SEC63: variants seen among roughly 807,000 people sequenced by gnomAD.
SEC63 encodes the protein translocation protein SEC63 homolog.
Under a neutral mutation model 116.2 loss-of-function variants are expected in SEC63, and 56 were observed. The ratio of observed to expected loss-of-function variants is 0.48; its 90% CI spans 0.39 to 0.60. The LOEUF (loss-of-function observed/expected upper bound fraction) is 0.60. SEC63 is among the 20% of genes least tolerant of loss of function. The pLI is 0.00. For synonymous variants in SEC63, 273 were observed against 294.6 expected, an observed-to-expected ratio of 0.93 and a Z score of 0.75; for missense variants, 668 against 900.0, an observed-to-expected ratio of 0.74 and a Z score of 3.30.
chr6:107,934,963 C>T (rs1326345301), intron 1 of SEC63, among the ~76,000 whole-genome samples: 1 of 105,018 alleles, frequency 9.5e-6, no homozygotes, highest in Non-Finnish European at 1.9e-5. Flanking sequence ...GCCCCCTGCC[C>T]GGCCAGCCGC....
rs931525683 is a variant in SEC63 at position 107,949,522 on chromosome 6, C to T, written c.124+8364G>A. Among the ~76,000 whole-genome samples, 16 of 152,138 alleles carry T rather than the reference C, an allele frequency of 1.1e-4. No homozygotes were observed. In the Middle Eastern group the frequency reaches 0.014, roughly 129 times the overall value. ...ATTAGAAAATGCAAAGAAATGTAAA[C>T]ATTTCACTACAAAAAAAATCAGCTA... On this transcript the variant is annotated intron_variant, in intron 1 of 20. Coordinates refer to ENST00000369002, the MANE Select transcript of SEC63 (RefSeq NM_007214.5).
At chr6:107,908,207 T>C (rs560254074) in intron 8 of SEC63, among the ~76,000 whole-genome samples, 1 of 151,496 alleles carries the variant, frequency 6.6e-6, no homozygotes, top group South Asian at 2.1e-4. Flanking sequence ...TTTTATTTTA[T>C]TTTTTTTTAA....
intron 1 of SEC63, among the ~76,000 whole-genome samples, chr6:107,942,457 CCTTT>C (rs1270803005): frequency 6.6e-6 from 1 of 152,146 alleles, no homozygotes; most frequent in East Asian, 1.9e-4. Flanking sequence ...ATGATGAACT[CCTTT>C]ATTTAACAAA....
chr6:107,948,715 T>A (rs1228504886), intron 1 of SEC63, among the ~76,000 whole-genome samples: 1 of 152,116 alleles, frequency 6.6e-6, no homozygotes. Flanking sequence ...CCCCCCACCA[T>A]ATCCCAAAGC....
intron 7 of SEC63, chr6:107,909,241 G>A: frequency 2.2e-6 from 1 of 453,854 alleles, no homozygotes. Flanking sequence ...AGCTGGGCAT[G>A]GTGGCACATG....
At chr6:107,946,864 C>T (rs568825159) in intron 1 of SEC63, among the ~76,000 whole-genome samples, 5 of 152,108 alleles carry the variant, frequency 3.3e-5, no homozygotes, top group Admixed American at 6.5e-5. Flanking sequence ...ATTAGCCAGG[C>T]GTGGTGGTGG....
rs543210822 is a variant in SEC63, at chr6:107,892,679, C to A, written c.1674+803G>T. Among the ~76,000 whole-genome samples the A allele has an allele frequency of 2.0e-5, 3 of 152,204 alleles. No individual in the cohort carries two copies. The East Asian group carries it at 5.8e-4, about 29-fold the overall frequency. ...AATTCCTACAATTTCAGTAACAAGA[C>A]AAACAACCCAATAGAAAAAGAAGTT... On this transcript the variant is annotated intron_variant, in intron 16 of 20. Coordinates refer to ENST00000369002, the MANE Select transcript of SEC63 (RefSeq NM_007214.5).
chr6:107,941,542 G>C (rs1223641120), intron 1 of SEC63, among the ~76,000 whole-genome samples: 1 of 151,608 alleles, frequency 6.6e-6, no homozygotes, highest in Admixed American at 6.6e-5. Context: ...AGAAAATTTG[G>C]CATACAGTGG....
intron 2 of SEC63, among the ~76,000 whole-genome samples, chr6:107,926,980 A>AT (rs1435894894): frequency 2.0e-5 from 3 of 152,186 alleles, no homozygotes; most frequent in Non-Finnish European, 2.9e-5. Context: ...TCTGTGCTCA[A>AT]TTTTTTTAAA....
At chr6:107,908,039 T>A (rs2114452279) in intron 8 of SEC63, among the ~76,000 whole-genome samples, 1 of 152,332 alleles carries the variant, frequency 6.6e-6, no homozygotes, top group Admixed American at 6.5e-5. Flanking sequence ...TAAGGCAAAG[T>A]AGTATTAACT....
intron 10 of SEC63, among the ~76,000 whole-genome samples, chr6:107,905,074 C>G (rs557239256): frequency 6.6e-6 from 1 of 152,236 alleles, no homozygotes; most frequent in East Asian, 1.9e-4. Context: ...CAGCTAAATA[C>G]AGGGGGAGAG....
intron 5 of SEC63, 89 bp from the exon 6 acceptor site, chr6:107,912,863 C>G (rs771298735): frequency 5.3e-5 from 50 of 935,154 alleles, no homozygotes; most frequent in Non-Finnish European, 8.3e-5. Context: ...ATAATATATC[C>G]CAGAACTCTC....
chr6:107,937,528 T>G (rs1770282731), intron 1 of SEC63, among the ~76,000 whole-genome samples: 1 of 152,208 alleles, frequency 6.6e-6, no homozygotes. Context: ...GCACGTCTTT[T>G]TGGCAGAACA....
chr6:107,952,623 T>G (rs780686134), intron 1 of SEC63, among the ~76,000 whole-genome samples: 1 of 152,070 alleles, frequency 6.6e-6, no homozygotes, highest in African/African-American at 2.4e-5. Flanking sequence ...CCGGGCGTAG[T>G]GGCAGGCACC....
intron 3 of SEC63, among the ~76,000 whole-genome samples, chr6:107,924,446 C>T: frequency 6.7e-6 from 1 of 149,798 alleles, no homozygotes; most frequent in East Asian, 2.0e-4. Context: ...GGCGTGATGG[C>T]GGGCGCCTAC....
At chr6:107,878,079 A>G (rs1320308298) in intron 18 of SEC63, among the ~76,000 whole-genome samples, 1 of 152,222 alleles carries the variant, frequency 6.6e-6, no homozygotes, top group African/African-American at 2.4e-5. Flanking sequence ...CTGCCCTTGC[A>G]GCATGAAAAA....
intron 1 of SEC63, among the ~76,000 whole-genome samples, chr6:107,933,212 C>G (rs538793437): frequency 6.6e-6 from 1 of 152,224 alleles, no homozygotes; most frequent in African/African-American, 2.4e-5. Context: ...GGCAAGAAAA[C>G]AGATTCTACC....
chr6:107,881,554 T>G (rs979911148), intron 17 of SEC63, among the ~76,000 whole-genome samples: 1 of 152,110 alleles, frequency 6.6e-6, no homozygotes, highest in African/African-American at 2.4e-5. Context: ...CCTACACTTC[T>G]CTGAACTTAC....
rs1786402447 is a variant in SEC63 at position 107,881,019 on chromosome 6, G to A, written c.1935+130C>T. ...TTGTAATATTCCCTTTTAAAAATAT[G>A]GCCTCTCAGGATAGACCACATTTAG... On this transcript the variant is annotated intron_variant, in intron 18 of 20. Coordinates refer to ENST00000369002, the MANE Select transcript of SEC63 (RefSeq NM_007214.5). 6 of 703,080 alleles carry A rather than the reference G, an allele frequency of 8.5e-6. No homozygotes were observed. The South Asian group carries it at 8.9e-5, about 10-fold the overall frequency. The allele number at this position is 703,080 out of a possible 1,614,324, so 43.6% of individuals were successfully genotyped here. A position where few individuals can be genotyped will look rare whatever the true frequency, so the allele number is the denominator to read the frequency against.
Sources: gnomAD v4.1 joint callset for allele counts (sites outside exome capture counted in the v4.1 genomes callset) on GRCh38, gnomAD v4.1.1 for gene constraint, MANE v1.5 for transcripts, NCBI Gene and HGNC (gene_info 2026-07-23, HGNC 2026-07-21) for gene names.